NFIB: variants seen among roughly 807,000 people sequenced by gnomAD.
The protein encoded by NFIB is nuclear factor I B, also known as nuclear factor 1 B-type.
NFIB carries 11 observed loss-of-function variants against 61.5 expected under a neutral mutation model. The observed-to-expected ratio is 0.18, with a 90% CI of 0.11 to 0.30. The LOEUF is 0.30. NFIB is among the 10% of genes least tolerant of loss of function. The pLI is 1.00. For missense variants in NFIB, 471 were observed against 608.9 expected, an observed-to-expected ratio of 0.77 and a Z score of 2.38; for synonymous variants, 260 against 216.5, an observed-to-expected ratio of 1.20 and a Z score of -1.76.
At chr9:14,191,681 ACC>A (rs149865782) in intron 2 of NFIB, among the ~76,000 whole-genome samples, 2,104 of 152,304 alleles carry the variant, frequency 0.014, 39 homozygotes, top group African/African-American at 0.046. Context: ...ATATGCCTTA[ACC>A]CTGAATGATA....
chr9:14,438,011 AGT>A, the NFIB span, among the ~76,000 whole-genome samples: 79,594 of 150,022 alleles, frequency 0.53, 21,676 homozygotes, highest in Admixed American at 0.6. Flanking sequence ...CCCCCATCCT[AGT>A]GTGTGTGTGT....
chr9:14,346,290 A>ACCACC (rs2061019460), intron 1 of NFIB, among the ~76,000 whole-genome samples: 1 of 88,394 alleles, frequency 1.1e-5, no homozygotes, highest in Admixed American at 1.2e-4. Context: ...GGTAACCGAC[A>ACCACC]CCCCCCCCCC....
the NFIB span, among the ~76,000 whole-genome samples, chr9:14,500,294 T>G: frequency 6.6e-6 from 1 of 152,182 alleles, no homozygotes; most frequent in Admixed American, 6.5e-5. Flanking sequence ...CCCTAAGACG[T>G]TAAGTGGGTG....
chr9:14,186,195 T>C (rs913255055), intron 2 of NFIB, among the ~76,000 whole-genome samples: 4 of 152,180 alleles, frequency 2.6e-5, no homozygotes, highest in East Asian at 1.9e-4. Flanking sequence ...CATAACAATA[T>C]AGCTTTTATA....
chr9:14,523,050 T>C, the NFIB span, among the ~76,000 whole-genome samples: 2 of 152,130 alleles, frequency 1.3e-5, no homozygotes, highest in African/African-American at 2.4e-5. Context: ...GAAAGAAAAG[T>C]TTCTGCTGGT....
chr9:14,428,472 G>A, the NFIB span, among the ~76,000 whole-genome samples: 1 of 152,108 alleles, frequency 6.6e-6, no homozygotes, highest in Admixed American at 6.5e-5. Flanking sequence ...GGAGATTGGG[G>A]GGACGTGCAT....
At chr9:14,382,766 A>G (rs192558574) in intron 1 of NFIB, among the ~76,000 whole-genome samples, 1 of 152,328 alleles carries the variant, frequency 6.6e-6, no homozygotes, top group Admixed American at 6.5e-5. Flanking sequence ...AGGGACTATT[A>G]CACATCAAGA....
chr9:14,193,611 A>C (rs909787831), intron 2 of NFIB, among the ~76,000 whole-genome samples: 2 of 152,154 alleles, frequency 1.3e-5, no homozygotes, highest in African/African-American at 4.8e-5. Context: ...AGACAAAAGT[A>C]TTTTTCCCAT....
chr9:14,437,628 G>C, the NFIB span, among the ~76,000 whole-genome samples: 2 of 152,180 alleles, frequency 1.3e-5, no homozygotes, highest in Admixed American at 6.5e-5. Flanking sequence ...TCCTCTCCCT[G>C]GTTGTTTATA....
chr9:14,471,829 G>C, the NFIB span, among the ~76,000 whole-genome samples: 1 of 152,178 alleles, frequency 6.6e-6, no homozygotes, highest in Non-Finnish European at 1.5e-5. Context: ...AGTCTGAGCT[G>C]TTTCCCAGTT....
At chr9:14,226,998 G>A (rs547165266) in intron 2 of NFIB, among the ~76,000 whole-genome samples, 95 of 151,618 alleles carry the variant, frequency 6.3e-4, no homozygotes, top group Non-Finnish European at 1.1e-3. Flanking sequence ...AAAATTAGCC[G>A]GCCGTGGTGG....
chr9:14,189,545 G>T (rs993730555), intron 2 of NFIB, among the ~76,000 whole-genome samples: 1 of 151,220 alleles, frequency 6.6e-6, no homozygotes, highest in East Asian at 1.9e-4. Flanking sequence ...AAGGCTATGA[G>T]ATATATATAT....
At chr9:14,438,474 T>A in the NFIB span, among the ~76,000 whole-genome samples, 1 of 152,174 alleles carries the variant, frequency 6.6e-6, no homozygotes, top group Non-Finnish European at 1.5e-5. Context: ...TTTTCGAGAG[T>A]AAACTGCCTG....
the NFIB span, among the ~76,000 whole-genome samples, chr9:14,507,337 T>C: frequency 2.6e-5 from 4 of 152,246 alleles, no homozygotes; most frequent in African/African-American, 4.8e-5. Context: ...GCTTTAAAGA[T>C]GTATTTTCTA....
chr9:14,327,494 C>G (rs2060769476), intron 1 of NFIB, among the ~76,000 whole-genome samples: 1 of 152,212 alleles, frequency 6.6e-6, no homozygotes, highest in Non-Finnish European at 1.5e-5. Context: ...GCATGCTTAG[C>G]ATGGGTCTGG....
chr9:14,385,676 G>A (rs1005489281), intron 1 of NFIB, among the ~76,000 whole-genome samples: 1 of 152,074 alleles, frequency 6.6e-6, no homozygotes, highest in Non-Finnish European at 1.5e-5. Flanking sequence ...TTCTGAGCAT[G>A]AGCACAATTT....
At chr9:14,427,937 G>GTTGTT in the NFIB span, among the ~76,000 whole-genome samples, 7 of 43,416 alleles carry the variant, frequency 1.6e-4, 1 homozygote, top group East Asian at 3.2e-3. Flanking sequence ...TAATTCAGTT[G>GTTGTT]TTTTTTTTTT....
the NFIB span, among the ~76,000 whole-genome samples, chr9:14,435,431 T>C: frequency 6.6e-6 from 1 of 152,220 alleles, no homozygotes; most frequent in East Asian, 1.9e-4. Context: ...TATCACTTAC[T>C]AACTGGGGCA....
intron 8 of NFIB, among the ~76,000 whole-genome samples, chr9:14,119,149 C>T (rs2038589100): frequency 6.6e-6 from 1 of 152,040 alleles, no homozygotes; most frequent in East Asian, 1.9e-4. Flanking sequence ...TGCACTGTTC[C>T]CAGCTGAGTC....
Sources: gnomAD v4.1 joint callset for allele counts (sites outside exome capture counted in the v4.1 genomes callset) on GRCh38, gnomAD v4.1.1 for gene constraint, MANE v1.5 for transcripts, NCBI Gene and HGNC (gene_info 2026-07-23, HGNC 2026-07-21) for gene names.